The following FHOD3 variants were observed in gnomAD, a reference collection of about 807,000 sequenced individuals.
The protein encoded by FHOD3 is formin homology 2 domain containing 3.
FHOD3 carries 90 observed loss-of-function variants against 173.0 expected under a neutral mutation model. The observed-to-expected ratio is 0.52, with a 90% CI of 0.44 to 0.62. The LOEUF (loss-of-function observed/expected upper bound fraction) is 0.62. Ranked by LOEUF, FHOD3 falls within the 20% of genes least tolerant of loss-of-function variation. FHOD3 has a pLI of 0.00. For missense variants in FHOD3, 1,945 were observed against 2,034.7 expected (o/e 0.96, Z 0.85); for synonymous variants, 828 against 823.0 (o/e 1.01, Z -0.10).
intron 1 of FHOD3, among the ~76,000 whole-genome samples, chr18:36,309,024 A>G (rs926375385): frequency 6.6e-6 from 1 of 152,100 alleles, no homozygotes; most frequent in Non-Finnish European, 1.5e-5. Context: ...CTCCAGCAGG[A>G]AAGTACAGCT....
At chr18:36,629,460 A>G (rs886679805) in intron 10 of FHOD3, among the ~76,000 whole-genome samples, 1 of 152,246 alleles carries the variant, frequency 6.6e-6, no homozygotes, top group African/African-American at 2.4e-5. Flanking sequence ...GGCCAGATGT[A>G]GCCCACAGGC....
At chr18:36,485,435 A>G (rs1309796449) in intron 3 of FHOD3, among the ~76,000 whole-genome samples, 1 of 152,134 alleles carries the variant, frequency 6.6e-6, no homozygotes, top group Admixed American at 6.5e-5. Flanking sequence ...GCCTGTGAGC[A>G]TGCGCCCACC....
rs754364239 is a variant in FHOD3, at chr18:36,625,696, C to T, written c.1143C>T (p.Cys381=). 4.3e-6 allele frequency: 7 copies of T among 1,610,578 alleles called. No individual in the cohort carries two copies. In the Admixed American group the frequency reaches 1.2e-4, roughly 27 times the overall value. The change falls in exon 10 of 29, where the codon TGC becomes TGT. Residue 381 remains cysteine, a synonymous_variant. Transcript: ENST00000590592. ...KSTLSAPTSP[C]SQSAPSFKPN... The stretch of plus-strand genomic sequence containing the variant: ...CCCTGTCGGCCCCCACCAGTCCCTG[C>T]TCCCAGTCAGCTCCCAGCTTCAAGC...
intron 4 of FHOD3, among the ~76,000 whole-genome samples, chr18:36,502,204 G>T (rs991590091): frequency 4.0e-5 from 6 of 150,904 alleles, no homozygotes; most frequent in Non-Finnish European, 8.8e-5. Context: ...AAAAGTAAAG[G>T]TAACTTTATC....
chr18:36,484,349 G>T (rs1366892555), intron 3 of FHOD3, among the ~76,000 whole-genome samples: 2 of 149,526 alleles, frequency 1.3e-5, no homozygotes, highest in Non-Finnish European at 3.0e-5. Context: ...GGATGTGCGT[G>T]GACTCCTATG....
intron 19 of FHOD3, among the ~76,000 whole-genome samples, chr18:36,726,362 G>A (rs1258940960): frequency 1.3e-5 from 2 of 151,984 alleles, no homozygotes; most frequent in Non-Finnish European, 2.9e-5. Context: ...TATTTTTGGG[G>A]GTTGTCTGGT....
At chr18:36,426,290 GCA>G (rs757701676) in intron 3 of FHOD3, among the ~76,000 whole-genome samples, 52 of 152,286 alleles carry the variant, frequency 3.4e-4, no homozygotes, top group Non-Finnish European at 1.6e-4. Flanking sequence ...GGAAACTGGG[GCA>G]CAGATAGGCT....
At chr18:36,693,603 G>A (rs1301402529) in intron 17 of FHOD3, among the ~76,000 whole-genome samples, 180 bp downstream of exon 17, 1 of 152,188 alleles carries the variant, frequency 6.6e-6, no homozygotes, top group Non-Finnish European at 1.5e-5. Context: ...GACGTCTTCA[G>A]AGCCACTTAT....
intron 4 of FHOD3, 53 bp downstream of exon 4, chr18:36,502,052 G>A (rs1015375333): frequency 3.2e-6 from 4 of 1,232,870 alleles, no homozygotes; most frequent in Non-Finnish European, 4.6e-6. Context: ...TGTGAAATTA[G>A]ATACAGGCAA....
chr18:36,302,888 C>T (rs1313670276), intron 1 of FHOD3, among the ~76,000 whole-genome samples: 1 of 152,186 alleles, frequency 6.6e-6, no homozygotes, highest in African/African-American at 2.4e-5. Context: ...GTAATTAGCT[C>T]AGTTGGTTGG....
intron 6 of FHOD3, among the ~76,000 whole-genome samples, chr18:36,590,653 A>G (rs1341458875): frequency 6.6e-6 from 1 of 152,224 alleles, no homozygotes; most frequent in African/African-American, 2.4e-5. Flanking sequence ...AAATTCATAG[A>G]AACCTAAAAT....
chr18:36,687,178 G>GGTTT lies in FHOD3; in HGVS notation c.2021+3_2021+6dup. The GGTTT allele has an allele frequency of 6.2e-7, 1 of 1,606,976 alleles. No homozygotes were observed. On this transcript the variant is annotated frameshift_variant and splice_region_variant. Coordinates refer to ENST00000590592, the MANE Select transcript of FHOD3 (RefSeq NM_001281740.3). LOFTEE classifies it high-confidence loss of function. ...GAGCAAAGGCAAGCAAGAGAAGAAA[G>GGTTT]GTTTGTATATTTCTTCTTTCCCATT...
intron 3 of FHOD3, among the ~76,000 whole-genome samples, chr18:36,399,016 G>A (rs568142718): frequency 2.6e-5 from 4 of 152,060 alleles, no homozygotes; most frequent in Admixed American, 6.6e-5. Context: ...TGTGATCTAG[G>A]ACTTATTTGT....
intron 3 of FHOD3, among the ~76,000 whole-genome samples, chr18:36,419,074 A>G (rs2049842464): frequency 6.6e-6 from 1 of 152,216 alleles, no homozygotes; most frequent in Non-Finnish European, 1.5e-5. Context: ...GGTTAAAATC[A>G]TGGTCTATTA....
At chr18:36,581,811 T>A (rs2058862720) in intron 6 of FHOD3, among the ~76,000 whole-genome samples, 1 of 152,074 alleles carries the variant, frequency 6.6e-6, no homozygotes, top group African/African-American at 2.4e-5. Flanking sequence ...TGTTTAGGAC[T>A]GCAAAATGAA....
chr18:36,682,636 A>T (rs962784130), intron 15 of FHOD3, among the ~76,000 whole-genome samples: 1 of 152,122 alleles, frequency 6.6e-6, no homozygotes, highest in Non-Finnish European at 1.5e-5. Context: ...AGGCTGGAGT[A>T]CAGTGGCGCA....
chr18:36,648,248 G>A (rs1434302013), intron 10 of FHOD3, among the ~76,000 whole-genome samples: 1 of 152,124 alleles, frequency 6.6e-6, no homozygotes, highest in African/African-American at 2.4e-5. Context: ...TTCCAAGGTG[G>A]GCTAGTTATG....
At chr18:36,634,757 A>G (rs2034762293) in intron 10 of FHOD3, among the ~76,000 whole-genome samples, 1 of 152,160 alleles carries the variant, frequency 6.6e-6, no homozygotes, top group Non-Finnish European at 1.5e-5. Context: ...GTTAACACAA[A>G]TATGTGCTTT....
intron 3 of FHOD3, among the ~76,000 whole-genome samples, chr18:36,427,267 A>G (rs1465893639): frequency 6.8e-6 from 1 of 147,898 alleles, no homozygotes; most frequent in Non-Finnish European, 1.5e-5. Context: ...TCTTAAAACT[A>G]GAACTGATCT....
Sources: gnomAD v4.1 joint callset for allele counts (sites outside exome capture counted in the v4.1 genomes callset) on GRCh38, gnomAD v4.1.1 for gene constraint, MANE v1.5 for transcripts, NCBI Gene and HGNC (gene_info 2026-07-23, HGNC 2026-07-21) for gene names.